TMEM135: variants seen among roughly 807,000 people sequenced by gnomAD.
The protein encoded by TMEM135 is transmembrane protein 135, also known as peroxisomal membrane protein 52.
A neutral mutation model predicts 60.3 loss-of-function variants in TMEM135; 30 were observed. The ratio of observed to expected loss-of-function variants is 0.50; its 90% CI spans 0.37 to 0.68. TMEM135 has a LOEUF of 0.68. TMEM135 is among the 30% of genes least tolerant of loss of function. The probability of loss-of-function intolerance (pLI) is 0.00; values close to 1 mark genes in which losing one functional copy is unlikely to be tolerated. For missense variants in TMEM135, 468 were observed against 548.8 expected (o/e 0.85, Z 1.47); for synonymous variants, 190 against 186.7 (o/e 1.02, Z -0.14).
At chr11:87,088,882 TAAC>T (rs1258231713) in intron 3 of TMEM135, among the ~76,000 whole-genome samples, 1 of 152,182 alleles carries the variant, frequency 6.6e-6, no homozygotes, top group Non-Finnish European at 1.5e-5. Context: ...TGGTTTACAA[TAAC>T]AACATAATAA....
At chr11:87,312,244 T>G (rs1942652065) in intron 10 of TMEM135, among the ~76,000 whole-genome samples, 1 of 151,388 alleles carries the variant, frequency 6.6e-6, no homozygotes, top group Non-Finnish European at 1.5e-5. Context: ...AGCTTCACTA[T>G]TGCCTTATTA....
chr11:87,236,590 GTGAT>G (rs1193626634), intron 5 of TMEM135, 44 bp from the exon 6 acceptor site: 4 of 1,548,970 alleles, frequency 2.6e-6, no homozygotes, highest in Non-Finnish European at 3.6e-6. Flanking sequence ...CACTCAAATG[GTGAT>G]GTCAGTGTTC....
At position 87,236,824 on chromosome 11, in the gene TMEM135, A is replaced by G. The variant is rs1220410690; in HGVS notation, c.509+140A>G. ...CCCCCCGCACCCCCGCCCAGAGTGG[A>G]CAGAGGTAAATCATTGCTCCTTTGT... is the stretch of plus-strand genomic sequence containing the variant. On this transcript the variant is annotated intron_variant, in intron 6 of 14. Coordinates refer to ENST00000305494, the MANE Select transcript of TMEM135 (RefSeq NM_022918.4). The G allele has an allele frequency of 1.1e-5, 8 of 760,768 alleles. No homozygotes were observed. In the East Asian group the frequency reaches 1.9e-4, roughly 18 times the overall value. The allele number at this position is 760,768 out of a possible 1,614,324, so 47.1% of individuals were successfully genotyped here. A position where few individuals can be genotyped will look rare whatever the true frequency, so the allele number is the denominator to read the frequency against.
intron 6 of TMEM135, among the ~76,000 whole-genome samples, chr11:87,253,117 G>GA (rs35501796): frequency 0.66 from 100,032 of 151,794 alleles, 33,536 homozygotes; most frequent in Non-Finnish European, 0.71. Flanking sequence ...TTTATTGGTA[G>GA]AAAAAAATTA....
At chr11:87,285,947 G>T (rs1262847630) in intron 6 of TMEM135, among the ~76,000 whole-genome samples, 1 of 152,136 alleles carries the variant, frequency 6.6e-6, no homozygotes, top group Non-Finnish European at 1.5e-5. Context: ...AGTGCTGATT[G>T]GTGCATTTAC....
At chr11:87,083,008 A>T (rs1309677898) in intron 3 of TMEM135, among the ~76,000 whole-genome samples, 1 of 152,204 alleles carries the variant, frequency 6.6e-6, no homozygotes, top group African/African-American at 2.4e-5. Context: ...ATAAAGATCT[A>T]TCTGTAAATA....
intron 6 of TMEM135, among the ~76,000 whole-genome samples, chr11:87,291,606 A>T (rs1484237270): frequency 8.0e-6 from 1 of 124,820 alleles, no homozygotes; most frequent in East Asian, 2.4e-4. Flanking sequence ...ATCTTGGCTC[A>T]TTGCCAACTC....
intron 4 of TMEM135, among the ~76,000 whole-genome samples, chr11:87,156,308 C>A (rs1017974902): frequency 1.3e-5 from 2 of 152,028 alleles, no homozygotes; most frequent in African/African-American, 4.8e-5. Context: ...CTTCAACTTT[C>A]TTCTTCTTTT....
intron 5 of TMEM135, among the ~76,000 whole-genome samples, chr11:87,206,861 G>C (rs929186437): frequency 3.3e-5 from 5 of 152,032 alleles, no homozygotes; most frequent in Non-Finnish European, 5.9e-5. Context: ...TCTGTGCCTA[G>C]AGGCTTTATT....
At chr11:87,134,405 T>A (rs1317164492) in intron 4 of TMEM135, among the ~76,000 whole-genome samples, 1 of 152,178 alleles carries the variant, frequency 6.6e-6, no homozygotes, top group Admixed American at 6.5e-5. Context: ...ACATATATAT[T>A]TTTTGGTGGG....
At chr11:87,099,776 A>G (rs374267434) in intron 4 of TMEM135, among the ~76,000 whole-genome samples, 2 of 143,324 alleles carry the variant, frequency 1.4e-5, no homozygotes. Context: ...TCCGCCTCCC[A>G]GGTTCAAGCG....
intron 5 of TMEM135, among the ~76,000 whole-genome samples, chr11:87,222,970 TG>T (rs1478811065): frequency 2.0e-5 from 3 of 152,096 alleles, no homozygotes; most frequent in African/African-American, 7.2e-5. Flanking sequence ...TCATGCTAAT[TG>T]GAGAGGGGGA....
chr11:87,177,128 A>T (rs1298887294), intron 5 of TMEM135, among the ~76,000 whole-genome samples: 1 of 152,174 alleles, frequency 6.6e-6, no homozygotes, highest in African/African-American at 2.4e-5. Flanking sequence ...CACATAGGGC[A>T]TTGGCTAACT....
chr11:87,249,068 A>C (rs1469619563), intron 6 of TMEM135, among the ~76,000 whole-genome samples: 2 of 152,082 alleles, frequency 1.3e-5, no homozygotes, highest in Non-Finnish European at 2.9e-5. Context: ...CTTTGTTTCC[A>C]ATTTGAATTT....
chr11:87,263,822 A>G (rs908066320), intron 6 of TMEM135, among the ~76,000 whole-genome samples: 3 of 152,086 alleles, frequency 2.0e-5, no homozygotes, highest in Admixed American at 2.0e-4. Context: ...GAATTTTTGC[A>G]TAATTTACTT....
At chr11:87,178,352 C>T in intron 5 of TMEM135, 1 of 453,842 alleles carries the variant, frequency 2.2e-6, no homozygotes, top group South Asian at 1.6e-5. Flanking sequence ...ATGCCACAAT[C>T]TAAACTCTCT....
rs374547199 is a variant in TMEM135, at chr11:87,269,280, G to GTTTTT, written c.510-26489_510-26485dup. On this transcript the variant is annotated intron_variant, in intron 6 of 14. Transcript: ENST00000305494. The stretch of plus-strand genomic sequence containing the variant: ...TTTCAGAGAGGAAGTTTGCTTTAGG[G>GTTTTT]TTTTTTTTTTTTTTTTTATGAGGAA... 4.3e-5 allele frequency among the ~76,000 whole-genome samples: 5 copies of GTTTTT among 115,320 alleles called. 1 individual carries two copies. The highest frequency in any genetic ancestry group is 1.2e-4 in the African/African-American group (4 of 32,494). The allele number at this position is 115,320 out of a possible 152,430, so 75.7% of individuals were successfully genotyped here.
intron 5 of TMEM135, among the ~76,000 whole-genome samples, chr11:87,161,087 A>G (rs371808584): frequency 2.0e-5 from 3 of 152,096 alleles, no homozygotes; most frequent in African/African-American, 7.2e-5. Context: ...TTTAGTAGAG[A>G]TGGGGTTTCA....
At chr11:87,068,852 A>AT (rs1283875929) in intron 2 of TMEM135, among the ~76,000 whole-genome samples, 7 of 151,718 alleles carry the variant, frequency 4.6e-5, no homozygotes, top group Admixed American at 6.6e-5. Context: ...TCTTTCACAG[A>AT]TTTTTCCCTA....
Sources: gnomAD v4.1 joint callset for allele counts (sites outside exome capture counted in the v4.1 genomes callset) on GRCh38, gnomAD v4.1.1 for gene constraint, MANE v1.5 for transcripts, NCBI Gene and HGNC (gene_info 2026-07-23, HGNC 2026-07-21) for gene names.